The following KSR1 variants were observed in gnomAD, a reference collection of about 807,000 sequenced individuals.
KSR1 encodes the protein kinase suppressor of ras.
KSR1 carries 35 observed loss-of-function variants against 92.9 expected under a neutral mutation model. That is an observed-to-expected ratio of 0.38 (90% confidence interval 0.29 to 0.50). KSR1 has a LOEUF of 0.50. Among genes scored for constraint, KSR1 ranks in the 20% least tolerant of loss-of-function variants. The probability of loss-of-function intolerance (pLI) is 0.94; values close to 1 mark genes in which losing one functional copy is unlikely to be tolerated. For synonymous variants in KSR1, 467 were observed against 472.6 expected (o/e 0.99, Z 0.15); for missense variants, 972 against 1,158.5 (o/e 0.84, Z 2.34).
chr17:27,508,018 G>C (rs1266291877), intron 1 of KSR1, among the ~76,000 whole-genome samples: 3 of 152,168 alleles, frequency 2.0e-5, no homozygotes, highest in Admixed American at 1.3e-4. Context: ...AAACCCATCT[G>C]GGTACCTCCC....
At chr17:27,511,301 C>T (rs1176934438) in intron 1 of KSR1, among the ~76,000 whole-genome samples, 3 of 152,300 alleles carry the variant, frequency 2.0e-5, no homozygotes, top group Middle Eastern at 6.8e-3. Flanking sequence ...AAGCCTCTTA[C>T]CTTTCTTCCA....
At chr17:27,526,467 C>T (rs2151032322) in intron 1 of KSR1, 1 of 1,589,740 alleles carries the variant, frequency 6.3e-7, no homozygotes, top group East Asian at 2.2e-5. Flanking sequence ...TTTCCCAATA[C>T]ATCTTCTCTT....
At chr17:27,593,944 A>T (rs1026045976) in intron 9 of KSR1, among the ~76,000 whole-genome samples, 1 of 152,118 alleles carries the variant, frequency 6.6e-6, no homozygotes, top group Non-Finnish European at 1.5e-5. Flanking sequence ...GAGGCCTTCC[A>T]TGAGGGCTCC....
intron 1 of KSR1, chr17:27,527,112 C>A: frequency 2.7e-6 from 1 of 371,064 alleles, no homozygotes; most frequent in Middle Eastern, 3.7e-4. Flanking sequence ...GTTCACACAT[C>A]ACTTTTCTTA....
intron 11 of KSR1, among the ~76,000 whole-genome samples, chr17:27,603,277 C>G (rs1405502313): frequency 6.6e-6 from 1 of 152,230 alleles, no homozygotes; most frequent in African/African-American, 2.4e-5. Context: ...CACCAGTGAC[C>G]CATACCTGAA....
intron 1 of KSR1, among the ~76,000 whole-genome samples, chr17:27,531,549 C>T (rs951189938): frequency 4.0e-5 from 5 of 124,910 alleles, no homozygotes; most frequent in African/African-American, 1.7e-4. Flanking sequence ...GTTCTGTGGG[C>T]GAGTGCTTGG....
chr17:27,460,686 T>C (rs1228258192), intron 1 of KSR1, among the ~76,000 whole-genome samples: 1 of 152,150 alleles, frequency 6.6e-6, no homozygotes, highest in Non-Finnish European at 1.5e-5. Flanking sequence ...CTCACACAGC[T>C]CTGCCGTGGC....
intron 1 of KSR1, chr17:27,526,764 C>G (rs977043035): frequency 1.1e-5 from 13 of 1,175,970 alleles, no homozygotes; most frequent in African/African-American, 1.5e-5. Flanking sequence ...TTCTCATCAT[C>G]GCACAGTTCT....
intron 1 of KSR1, among the ~76,000 whole-genome samples, chr17:27,473,446 C>T (rs1049380204): frequency 4.6e-5 from 7 of 152,130 alleles, no homozygotes; most frequent in Non-Finnish European, 1.0e-4. Flanking sequence ...GGTGGCCATT[C>T]GCAGAAAGGA....
intron 1 of KSR1, among the ~76,000 whole-genome samples, chr17:27,545,885 T>C (rs1245696389): frequency 1.3e-5 from 2 of 152,132 alleles, no homozygotes; most frequent in East Asian, 3.8e-4. Flanking sequence ...TGGGCTAATC[T>C]CAATGTTGGC....
chr17:27,572,148 C>G (rs904453887), intron 2 of KSR1, among the ~76,000 whole-genome samples: 4 of 152,238 alleles, frequency 2.6e-5, no homozygotes, highest in African/African-American at 9.6e-5. Flanking sequence ...CAGCACTCAA[C>G]TGGCCCTGCT....
At chr17:27,511,783 C>T (rs1235655662) in intron 1 of KSR1, among the ~76,000 whole-genome samples, 3 of 152,210 alleles carry the variant, frequency 2.0e-5, no homozygotes, top group African/African-American at 2.4e-5. Flanking sequence ...CTCTGCATCC[C>T]GTCTCACCGG....
intron 10 of KSR1, 127 bp downstream of exon 10, chr17:27,597,563 T>G: frequency 9.9e-7 from 1 of 1,013,176 alleles, no homozygotes; most frequent in Non-Finnish European, 1.4e-6. Flanking sequence ...ATGAAGTACT[T>G]GTCCGGCGCC....
intron 1 of KSR1, among the ~76,000 whole-genome samples, chr17:27,460,245 C>T (rs1349726589): frequency 6.6e-6 from 1 of 152,126 alleles, no homozygotes; most frequent in Non-Finnish European, 1.5e-5. Context: ...GTAATAATTA[C>T]CTTCATTCCT....
rs749777411 is a variant in KSR1 at position 27,610,131 on chromosome 17, G to A, written c.2290G>A (p.Glu764Lys). Reference sequence around the variant, plus strand: ...CTATCTGGCCCCTGAGATTGTACGCGAGATGACCCCCGGGAAGGACGAGGA... The same window carrying A: ...CTATCTGGCCCCTGAGATTGTACGCAAGATGACCCCCGGGAAGGACGAGGA... ...LCYLAPEIVR[E>K]MTPGKDEDQL... The change falls in exon 17 of 21, where the codon GAG becomes AAG. Residue 764 changes from glutamate (E) to lysine (K), a missense_variant. By Grantham distance (56) the Glu-to-Lys change is moderately conservative. Around this residue, in one of 5 missense-constraint regions of KSR1, gnomAD observed 260 missense variants for 375.2 expected, o/e 0.69. Coordinates refer to ENST00000644974, the MANE Select transcript of KSR1 (RefSeq NM_001394583.1). The A allele has an allele frequency of 7.4e-6, 12 of 1,614,034 alleles. No homozygotes were observed. The highest frequency in any genetic ancestry group is 2.2e-5 in the East Asian group (1 of 44,878).
intron 1 of KSR1, among the ~76,000 whole-genome samples, chr17:27,534,454 G>A (rs2070681098): frequency 6.6e-6 from 1 of 152,234 alleles, no homozygotes; most frequent in Non-Finnish European, 1.5e-5. Flanking sequence ...TTCAGCAATA[G>A]ACATCCCCCT....
intron 1 of KSR1, among the ~76,000 whole-genome samples, chr17:27,548,739 A>G (rs897409409): frequency 2.0e-5 from 3 of 152,200 alleles, no homozygotes; most frequent in Non-Finnish European, 2.9e-5. Flanking sequence ...CTGAGGCACA[A>G]GAATCACTTA....
intron 11 of KSR1, chr17:27,602,037 T>G: frequency 1.0e-6 from 1 of 974,494 alleles, no homozygotes; most frequent in Admixed American, 2.2e-5. Flanking sequence ...TTCCTGCCCC[T>G]AAAGTGCTTG....
intron 2 of KSR1, among the ~76,000 whole-genome samples, chr17:27,570,696 G>A (rs1226607266): frequency 6.6e-6 from 1 of 152,162 alleles, no homozygotes; most frequent in Non-Finnish European, 1.5e-5. Context: ...GTTTGGGCTG[G>A]GCTCGAGTTC....
Sources: allele counts gnomAD v4.1 joint callset (sites outside exome capture counted in the v4.1 genomes callset), GRCh38; gene constraint gnomAD v4.1.1; regional missense constraint gnomAD v4.1.1; transcripts MANE v1.5; gene names NCBI Gene and HGNC (gene_info 2026-07-23, HGNC 2026-07-21).